The following DLG2 variants were observed in gnomAD, a reference collection of about 807,000 sequenced individuals.
DLG2 encodes the protein disks large homolog 2.
DLG2 carries 45 observed loss-of-function variants against 132.5 expected under a neutral mutation model. That is an observed-to-expected ratio of 0.34 (90% CI 0.27 to 0.44). The LOEUF is 0.44. DLG2 is among the 20% of genes least tolerant of loss of function. DLG2 has a pLI of 1.00. For missense variants in DLG2, 1,045 were observed against 1,196.9 expected (o/e 0.87, Z 1.87); for synonymous variants, 424 against 419.6 (o/e 1.01, Z -0.13).
intron 10 of DLG2, among the ~76,000 whole-genome samples, chr11:84,079,664 G>A (rs150703951): frequency 6.6e-6 from 1 of 152,292 alleles, no homozygotes; most frequent in African/African-American, 2.4e-5. Flanking sequence ...GATTTTTATA[G>A]ATAACAATTT....
intron 3 of DLG2, among the ~76,000 whole-genome samples, chr11:85,436,080 A>C (rs1302758867): frequency 6.6e-6 from 1 of 152,244 alleles, no homozygotes; most frequent in African/African-American, 2.4e-5. Flanking sequence ...TCTGTTTAAT[A>C]AATGGTGTGG....
At chr11:83,935,108 C>T (rs945202566) in intron 14 of DLG2, among the ~76,000 whole-genome samples, 7 of 152,140 alleles carry the variant, frequency 4.6e-5, no homozygotes, top group Non-Finnish European at 7.3e-5. Flanking sequence ...GGCATCCAAC[C>T]GCATGCCCTG....
At chr11:85,140,381 A>G (rs2076387957) in intron 5 of DLG2, among the ~76,000 whole-genome samples, 1 of 151,958 alleles carries the variant, frequency 6.6e-6, no homozygotes, top group Non-Finnish European at 1.5e-5. Flanking sequence ...CCCAAAACAA[A>G]GAAAGGTATG....
rs552196959 is a variant in DLG2, at chr11:85,603,595, T to C, written c.-92-4807A>G. On this transcript the variant is annotated intron_variant, in intron 2 of 27. Coordinates refer to ENST00000376104, the MANE Select transcript of DLG2 (RefSeq NM_001142699.3). ...TAAGCTTCTGTGGCATTGTTGTAGGTATTACCCTAGTCGTTTATTCTTTTA... is the reference window on the plus strand; with the variant it reads ...TAAGCTTCTGTGGCATTGTTGTAGGCATTACCCTAGTCGTTTATTCTTTTA... Among the ~76,000 whole-genome samples, 82 of 152,086 alleles carry C rather than the reference T, an allele frequency of 5.4e-4. No individual in the cohort carries two copies. In the South Asian group the frequency reaches 0.015, roughly 29 times the overall value.
chr11:85,207,896 T>G (rs1331366157), intron 4 of DLG2, among the ~76,000 whole-genome samples: 4 of 151,692 alleles, frequency 2.6e-5, no homozygotes, highest in African/African-American at 9.7e-5. Flanking sequence ...GCCCTCTACA[T>G]CTGGTAAACT....
chr11:83,837,758 A>T (rs544248694), intron 16 of DLG2, among the ~76,000 whole-genome samples: 1 of 151,108 alleles, frequency 6.6e-6, no homozygotes, highest in Non-Finnish European at 1.5e-5. Flanking sequence ...GAAAAGAAAG[A>T]AAAAGTCCTG....
intron 3 of DLG2, among the ~76,000 whole-genome samples, chr11:85,427,464 C>T (rs1006528217): frequency 2.0e-5 from 3 of 152,204 alleles, no homozygotes; most frequent in African/African-American, 7.2e-5. Context: ...AGAGTGGGGG[C>T]CAATATTCAA....
chr11:84,541,630 T>C (rs1325280490), intron 6 of DLG2, among the ~76,000 whole-genome samples: 1 of 152,158 alleles, frequency 6.6e-6, no homozygotes, highest in Non-Finnish European at 1.5e-5. Context: ...GGTAGAGTCA[T>C]GTTCATCTCT....
chr11:84,486,431 G>A lies in DLG2; in HGVS notation c.519+48139C>T, dbSNP rs558433321. On this transcript the variant is annotated intron_variant, in intron 7 of 27. Coordinates refer to ENST00000376104, the MANE Select transcript of DLG2 (RefSeq NM_001142699.3). ...AGCCCTCTTTGAGCTGACCACCTAGGCCAAATGAAGTTACTGATTCTGCTT... is the reference window on the plus strand; with the variant it reads ...AGCCCTCTTTGAGCTGACCACCTAGACCAAATGAAGTTACTGATTCTGCTT... Among the ~76,000 whole-genome samples, 167 of 152,090 alleles carry A rather than the reference G, an allele frequency of 1.1e-3. 1 individual carries two copies. Among genetic ancestry groups the A allele is most frequent in the Non-Finnish European group, 2.0e-3 (134 of 67,972 alleles).
At chr11:85,323,142 T>G (rs905800763) in intron 3 of DLG2, among the ~76,000 whole-genome samples, 1 of 152,236 alleles carries the variant, frequency 6.6e-6, no homozygotes, top group African/African-American at 2.4e-5. Context: ...TGTGAGGAGC[T>G]GGAGGAAACC....
intron 11 of DLG2, among the ~76,000 whole-genome samples, chr11:84,040,388 G>A (rs1040403844): frequency 6.6e-6 from 1 of 151,694 alleles, no homozygotes; most frequent in African/African-American, 2.4e-5. Flanking sequence ...ATCTTGAATT[G>A]ATTTTTGTAT....
At chr11:84,948,136 T>C (rs2050456203) in intron 6 of DLG2, among the ~76,000 whole-genome samples, 1 of 152,180 alleles carries the variant, frequency 6.6e-6, no homozygotes, top group Non-Finnish European at 1.5e-5. Context: ...CTTGAGGCAT[T>C]CCTGCCACCC....
At chr11:84,785,404 T>C (rs2072702375) in intron 6 of DLG2, among the ~76,000 whole-genome samples, 1 of 152,086 alleles carries the variant, frequency 6.6e-6, no homozygotes. Context: ...AGACTCCTCA[T>C]GAGTTGTTAG....
chr11:85,228,396 C>G (rs1191013601), intron 4 of DLG2, among the ~76,000 whole-genome samples: 2 of 152,050 alleles, frequency 1.3e-5, no homozygotes, highest in Non-Finnish European at 2.9e-5. Flanking sequence ...ATCATGGAAG[C>G]AAGCATAAGA....
intron 17 of DLG2, among the ~76,000 whole-genome samples, chr11:83,809,888 A>G (rs1260952488): frequency 6.6e-6 from 1 of 152,182 alleles, no homozygotes; most frequent in African/African-American, 2.4e-5. Flanking sequence ...CATGCCATCC[A>G]TTTGCAGAGA....
chr11:85,485,264 A>G (rs2093403079), intron 3 of DLG2, among the ~76,000 whole-genome samples: 2 of 152,174 alleles, frequency 1.3e-5, no homozygotes, highest in South Asian at 2.1e-4. Context: ...ATGACGAGTT[A>G]GTGGGTGCAG....
intron 18 of DLG2, among the ~76,000 whole-genome samples, chr11:83,689,972 A>ATATTATAATAT (rs907452754): frequency 0.026 from 2,054 of 79,426 alleles, 39 homozygotes; most frequent in African/African-American, 0.069. Context: ...ATATATATTT[A>ATATTATAATAT]TATTATAATA....
At chr11:83,885,818 T>C (rs1386004152) in intron 15 of DLG2, among the ~76,000 whole-genome samples, 2 of 152,180 alleles carry the variant, frequency 1.3e-5, no homozygotes, top group African/African-American at 2.4e-5. Context: ...AAAAGAATTT[T>C]CAACCCAGAA....
At chr11:84,911,296 A>C (rs925264057) in intron 6 of DLG2, among the ~76,000 whole-genome samples, 3 of 151,964 alleles carry the variant, frequency 2.0e-5, no homozygotes, top group Non-Finnish European at 4.4e-5. Context: ...TTAACTTTTA[A>C]ATTTTAATTC....
Sources: allele counts gnomAD v4.1 joint callset (sites outside exome capture counted in the v4.1 genomes callset), GRCh38; gene constraint gnomAD v4.1.1; transcripts MANE v1.5; gene names NCBI Gene and HGNC (gene_info 2026-07-23, HGNC 2026-07-21).